Variants in SLC38A12 observed in about 807,000 individuals in gnomAD.
The protein encoded by SLC38A12 is putative sodium-coupled neutral amino acid transporter 12.
At chr17:74,829,832 C>G in the SLC38A12 span, among the ~76,000 whole-genome samples, 1 of 151,934 alleles carries the variant, frequency 6.6e-6, no homozygotes, top group Non-Finnish European at 1.5e-5. The surrounding 1 kb of genome is among the most constrained non-coding windows in gnomAD (Gnocchi z 4.1). Context: ...ACCCAACTCT[C>G]TCCAGCCCCA....
the SLC38A12 span, chr17:74,838,171 T>C: frequency 1.6e-5 from 16 of 985,514 alleles, no homozygotes; most frequent in African/African-American, 1.4e-4. Flanking sequence ...CGTGGTGTAA[T>C]TGGCCTCAGC....
the SLC38A12 span, among the ~76,000 whole-genome samples, chr17:74,824,456 C>CCT: frequency 6.6e-6 from 1 of 152,200 alleles, no homozygotes; most frequent in African/African-American, 2.4e-5. Context: ...CTGCCCCTGC[C>CCT]CCGCCGCAGG....
At chr17:74,806,133 A>G in the SLC38A12 span, among the ~76,000 whole-genome samples, 1 of 152,158 alleles carries the variant, frequency 6.6e-6, no homozygotes, top group Non-Finnish European at 1.5e-5. Context: ...GGCTAGATTG[A>G]TGGCTCAGAG....
chr17:74,806,318 A>G, the SLC38A12 span, among the ~76,000 whole-genome samples: 1 of 152,126 alleles, frequency 6.6e-6, no homozygotes, highest in Non-Finnish European at 1.5e-5. Context: ...CTGGTATAAG[A>G]TAGTGGTATA....
At chr17:74,809,204 G>C in the SLC38A12 span, among the ~76,000 whole-genome samples, 5 of 152,178 alleles carry the variant, frequency 3.3e-5, no homozygotes, top group Non-Finnish European at 7.3e-5. Flanking sequence ...GGTTTTTCTT[G>C]GCTCTGTTTC....
At chr17:74,785,394 G>A in the SLC38A12 span, 1 of 1,544,528 alleles carries the variant, frequency 6.5e-7, no homozygotes, top group Non-Finnish European at 8.8e-7. Flanking sequence ...CTCCACAGTG[G>A]TGCCATCACC....
chr17:74,810,556 T>C, the SLC38A12 span, among the ~76,000 whole-genome samples: 6 of 152,196 alleles, frequency 3.9e-5, no homozygotes, highest in African/African-American at 1.4e-4. Flanking sequence ...TACACAGTAT[T>C]TGAGAATTGG....
the SLC38A12 span, among the ~76,000 whole-genome samples, chr17:74,812,889 C>G: frequency 2.1e-4 from 32 of 152,324 alleles, 1 homozygote; most frequent in Non-Finnish European, 3.2e-4. Context: ...GTTGAAACTC[C>G]GGGAGCTGAC....
the SLC38A12 span, among the ~76,000 whole-genome samples, chr17:74,828,375 A>G: frequency 6.6e-6 from 1 of 152,194 alleles, no homozygotes; most frequent in African/African-American, 2.4e-5. Context: ...CCTCAGGGTC[A>G]TGGCTCTGAG....
chr17:74,810,033 T>C, the SLC38A12 span, among the ~76,000 whole-genome samples: 1 of 152,226 alleles, frequency 6.6e-6, no homozygotes, highest in Non-Finnish European at 1.5e-5. Flanking sequence ...TCTAGCTTGG[T>C]GGCCGCTTTG....
the SLC38A12 span, among the ~76,000 whole-genome samples, chr17:74,782,476 G>GC: frequency 1.3e-5 from 2 of 152,154 alleles, no homozygotes; most frequent in Admixed American, 6.5e-5. Flanking sequence ...CAAGCACAGG[G>GC]CCCGGTCTGT....
At chr17:74,830,880 C>T in the SLC38A12 span, among the ~76,000 whole-genome samples, 128 of 152,336 alleles carry the variant, frequency 8.4e-4, no homozygotes, top group African/African-American at 2.8e-3. Flanking sequence ...TGTGGCGAGG[C>T]CTGCGTGTGG....
At chr17:74,833,910 G>A in the SLC38A12 span, among the ~76,000 whole-genome samples, 1 of 152,088 alleles carries the variant, frequency 6.6e-6, no homozygotes. Flanking sequence ...GCAGCCTCCT[G>A]AATAACAAAT....
At chr17:74,806,547 G>C in the SLC38A12 span, among the ~76,000 whole-genome samples, 1 of 152,166 alleles carries the variant, frequency 6.6e-6, no homozygotes, top group Non-Finnish European at 1.5e-5. Flanking sequence ...CTCGGCCGAG[G>C]AGAGCCGGGA....
chr17:74,817,159 G>C, the SLC38A12 span, among the ~76,000 whole-genome samples: 1 of 152,154 alleles, frequency 6.6e-6, no homozygotes, highest in Non-Finnish European at 1.5e-5. Context: ...GAGGACACCT[G>C]TTCCTTAATT....
chr17:74,833,758 G>A, the SLC38A12 span, among the ~76,000 whole-genome samples: 1 of 152,208 alleles, frequency 6.6e-6, no homozygotes, highest in Non-Finnish European at 1.5e-5. Flanking sequence ...GTTCATGCCA[G>A]CCTTGGGCAG....
the SLC38A12 span, chr17:74,788,857 T>A: frequency 1.2e-6 from 2 of 1,613,418 alleles, no homozygotes; most frequent in Non-Finnish European, 1.7e-6. Context: ...TGGAAGAGGA[T>A]GGAGAACCTC....
the SLC38A12 span, among the ~76,000 whole-genome samples, chr17:74,780,651 A>C: frequency 2.0e-5 from 3 of 152,220 alleles, no homozygotes; most frequent in South Asian, 6.2e-4. Flanking sequence ...ATGTCTGTTC[A>C]TTGTGATTGG....
the SLC38A12 span, among the ~76,000 whole-genome samples, chr17:74,796,614 A>G: frequency 0.24 from 35,902 of 152,244 alleles, 4,671 homozygotes; most frequent in East Asian, 0.42. Flanking sequence ...GGCCTGGGCC[A>G]TGGAGAGGTT....
Sources: gnomAD v4.1 joint callset for allele counts (sites outside exome capture counted in the v4.1 genomes callset) on GRCh38, gnomAD v4.1.1 for gene constraint, Gnocchi (gnomAD v3.1) non-coding constraint, MANE v1.5 for transcripts, NCBI Gene and HGNC (gene_info 2026-07-23, HGNC 2026-07-21) for gene names.